VPS13A: variants seen among roughly 807,000 people sequenced by gnomAD.
VPS13A encodes the protein vacuolar protein sorting 13 homolog A.
A neutral mutation model predicts 390.9 loss-of-function variants in VPS13A; 264 were observed. That is an observed-to-expected ratio of 0.68 (90% CI 0.61 to 0.75). The LOEUF (loss-of-function observed/expected upper bound fraction) is 0.75, where lower values mean the gene tolerates loss of function less well. VPS13A is among the 30% of genes least tolerant of loss of function. VPS13A has a pLI of 0.00. For missense variants in VPS13A, 3,409 were observed against 3,733.9 expected (o/e 0.91, Z 2.27); for synonymous variants, 1,231 against 1,227.1 (o/e 1.00, Z -0.07).
intron 69 of VPS13A, 29 bp from the exon 70 acceptor site, chr9:77,405,835 G>A (rs202110413): frequency 3.1e-4 from 507 of 1,610,892 alleles, no homozygotes; most frequent in South Asian, 6.5e-4. Context: ...ATTTTAAAGC[G>A]AATTCTTTTT....
intron 10 of VPS13A, among the ~76,000 whole-genome samples, chr9:77,218,361 C>G (rs571085232): frequency 2.6e-3 from 391 of 152,128 alleles, no homozygotes; most frequent in African/African-American, 9.1e-3. Flanking sequence ...GATCTGCCTG[C>G]CTCGGCCTCC....
At chr9:77,333,696 A>G (rs1456725658) in intron 46 of VPS13A, among the ~76,000 whole-genome samples, 1 of 152,076 alleles carries the variant, frequency 6.6e-6, no homozygotes, top group Non-Finnish European at 1.5e-5. Flanking sequence ...TATATTTAAG[A>G]TGTGAGGTTT....
At chr9:77,274,802 A>C (rs1478469454) in intron 24 of VPS13A, among the ~76,000 whole-genome samples, 1 of 152,126 alleles carries the variant, frequency 6.6e-6, no homozygotes, top group Non-Finnish European at 1.5e-5. Context: ...CTTTATTTAT[A>C]GTCACCAGAG....
At chr9:77,196,502 C>T (rs1825010939) in intron 1 of VPS13A, among the ~76,000 whole-genome samples, 1 of 152,132 alleles carries the variant, frequency 6.6e-6, no homozygotes, top group Non-Finnish European at 1.5e-5. Flanking sequence ...TATTCCCCAG[C>T]CTCTGGCAAC....
chr9:77,209,213 T>C (rs1035492633), intron 5 of VPS13A, among the ~76,000 whole-genome samples: 1 of 152,210 alleles, frequency 6.6e-6, no homozygotes, highest in African/African-American at 2.4e-5. Flanking sequence ...AAATTCTACA[T>C]GGTCTGCTTT....
chr9:77,341,631 C>T (rs72746018), intron 50 of VPS13A, among the ~76,000 whole-genome samples: 11,631 of 130,668 alleles, frequency 0.089, 570 homozygotes, highest in Middle Eastern at 0.17. Flanking sequence ...CTTAATAGCT[C>T]TTTTATATTT....
At chr9:77,316,914 T>A (rs964128060) in intron 39 of VPS13A, among the ~76,000 whole-genome samples, 1 of 152,058 alleles carries the variant, frequency 6.6e-6, no homozygotes, top group Non-Finnish European at 1.5e-5. Context: ...TTCCTCCTCT[T>A]CATAACTCTA....
At chr9:77,184,848 T>C (rs775392974) in intron 1 of VPS13A, among the ~76,000 whole-genome samples, 1 of 152,112 alleles carries the variant, frequency 6.6e-6, no homozygotes, top group Non-Finnish European at 1.5e-5. Flanking sequence ...CCTGTGCAGA[T>C]ACCAAAGTCC....
chr9:77,386,661 C>G (rs1477733820), intron 68 of VPS13A, among the ~76,000 whole-genome samples: 2 of 150,166 alleles, frequency 1.3e-5, no homozygotes, highest in East Asian at 3.9e-4. Context: ...TTTCATCATT[C>G]TTCAGTTTTT....
chr9:77,208,513 A>C (rs1825801093), intron 5 of VPS13A, among the ~76,000 whole-genome samples: 1 of 152,134 alleles, frequency 6.6e-6, no homozygotes, highest in South Asian at 2.1e-4. Flanking sequence ...TATTTCAAAA[A>C]AATTAGGAAC....
chr9:77,320,880 T>C (rs1260654568), intron 42 of VPS13A, among the ~76,000 whole-genome samples: 1 of 152,082 alleles, frequency 6.6e-6, no homozygotes, highest in Non-Finnish European at 1.5e-5. Flanking sequence ...GTATGTGCTT[T>C]TATATTCAGA....
intron 69 of VPS13A, among the ~76,000 whole-genome samples, chr9:77,403,830 G>A (rs879560550): frequency 3.9e-5 from 6 of 152,194 alleles, no homozygotes; most frequent in Non-Finnish European, 8.8e-5. Flanking sequence ...GTGTGCAGAA[G>A]TCATTGTTAA....
intron 68 of VPS13A, among the ~76,000 whole-genome samples, chr9:77,402,380 A>T (rs1412675695): frequency 6.6e-6 from 1 of 152,164 alleles, no homozygotes; most frequent in Non-Finnish European, 1.5e-5. Context: ...CATGGAACAC[A>T]ATTTTCTAAA....
intron 36 of VPS13A, 138 bp from the exon 37 acceptor site, chr9:77,314,357 C>A: frequency 1.0e-6 from 1 of 974,106 alleles, no homozygotes; most frequent in Non-Finnish European, 1.5e-6. Flanking sequence ...ATATTTTTAG[C>A]CTTTCATTAG....
At chr9:77,334,361 G>A (rs965685642) in intron 46 of VPS13A, among the ~76,000 whole-genome samples, 5 of 151,994 alleles carry the variant, frequency 3.3e-5, no homozygotes, top group African/African-American at 1.2e-4. Flanking sequence ...TCTGTTTCAA[G>A]ACCATTCACA....
chr9:77,377,460 C>T (rs1429816019), intron 67 of VPS13A, among the ~76,000 whole-genome samples: 2 of 152,008 alleles, frequency 1.3e-5, no homozygotes, highest in East Asian at 3.9e-4. Flanking sequence ...ACCTCATGAT[C>T]CACCCGCCTC....
At chr9:77,273,683 C>T (rs1826482668) in intron 24 of VPS13A, among the ~76,000 whole-genome samples, 1 of 152,018 alleles carries the variant, frequency 6.6e-6, no homozygotes, top group Non-Finnish European at 1.5e-5. Context: ...ATAGGGGTTG[C>T]TGGGGAGGCA....
chr9:77,382,229 G>T (rs1444844653), intron 68 of VPS13A, 142 bp downstream of exon 68: 13 of 1,406,946 alleles, frequency 9.2e-6, no homozygotes, highest in Non-Finnish European at 1.2e-5. Flanking sequence ...TATTTACTTA[G>T]ATTTTAAAGT....
Position 77,321,477 on chromosome 9 carries a change from C to T in VPS13A, c.5575-14C>T, listed in dbSNP as rs1564727121. 1 of 1,612,844 alleles carries T rather than the reference C, an allele frequency of 6.2e-7. No individual in the cohort carries two copies. Among genetic ancestry groups the T allele is most frequent in the Non-Finnish European group, 8.5e-7 (1 of 1,179,360 alleles). The stretch of plus-strand genomic sequence containing the variant: ...ACACATTTCATTTTATTTAGCATAA[C>T]TCTTTCTTATTAGGCATTTACAGAA... On this transcript the variant is annotated splice_polypyrimidine_tract_variant and intron_variant, in intron 43 of 71. Transcript: ENST00000360280.
Sources: allele counts gnomAD v4.1 joint callset (sites outside exome capture counted in the v4.1 genomes callset), GRCh38; gene constraint gnomAD v4.1.1; transcripts MANE v1.5; gene names NCBI Gene and HGNC (gene_info 2026-07-23, HGNC 2026-07-21).